The following PROCR variants were observed in gnomAD, a reference collection of about 807,000 sequenced individuals.
PROCR encodes endothelial protein C receptor.
Under a neutral mutation model 24.2 loss-of-function variants are expected in PROCR, and 22 were observed. The observed-to-expected ratio is 0.91, with a 90% confidence interval of 0.65 to 1.30. The LOEUF (loss-of-function observed/expected upper bound fraction) is 1.30. Among genes scored for constraint, PROCR ranks in the 50% most tolerant of loss-of-function variants. The probability of loss-of-function intolerance (pLI) is 0.00; values close to 1 mark genes in which losing one functional copy is unlikely to be tolerated. For synonymous variants in PROCR, 137 were observed against 139.2 expected (o/e 0.98, Z 0.11); for missense variants, 288 against 307.7 (o/e 0.94, Z 0.48).
chr20:35,176,663 C>T (rs1342286872), intron 3 of PROCR, 35 bp from the exon 4 acceptor site: 27 of 1,582,684 alleles, frequency 1.7e-5, no homozygotes, highest in Non-Finnish European at 2.2e-5. Context: ...CCTTGGGGGC[C>T]TATTCTTCGG....
At chr20:35,208,992 A>G (rs970466157) in intron 1 of PROCR, among the ~76,000 whole-genome samples, 4 of 152,112 alleles carry the variant, frequency 2.6e-5, no homozygotes, top group Admixed American at 2.0e-4. Flanking sequence ...ATAAACAAAT[A>G]TTAATTGAGA....
intron 1 of PROCR, among the ~76,000 whole-genome samples, chr20:35,188,386 A>C (rs1233595101): frequency 2.0e-5 from 3 of 152,238 alleles, no homozygotes; most frequent in Non-Finnish European, 4.4e-5. Flanking sequence ...GGCTACACAG[A>C]GGCCATAGAT....
intron 1 of PROCR, among the ~76,000 whole-genome samples, chr20:35,183,101 T>A (rs771665874): frequency 5.3e-5 from 8 of 152,234 alleles, no homozygotes; most frequent in Non-Finnish European, 1.2e-4. Flanking sequence ...CGTTTATCAT[T>A]TAATACTCTC....
In PROCR at chr20:35,177,172, A is replaced by T. The variant is rs2086028605; in HGVS notation, c.*359A>T. The T allele has an allele frequency of 8.8e-7, 1 of 1,136,276 alleles. No individual in the cohort carries two copies. 70.4% of individuals were successfully genotyped at this position (1,136,276 alleles called of 1,614,324 possible). Reference sequence around the variant, plus strand: ...AGGCGTTCAAAAGATATAACCAAATAAACAAGTCATCCACAATCAAAATAC... The same window carrying T: ...AGGCGTTCAAAAGATATAACCAAATTAACAAGTCATCCACAATCAAAATAC... On this transcript the variant is annotated 3_prime_UTR_variant, in exon 4 of 4. Coordinates refer to ENST00000216968, the MANE Select transcript of PROCR (RefSeq NM_006404.5).
chr20:35,173,437 T>C (rs2085971236), intron 1 of PROCR, among the ~76,000 whole-genome samples: 1 of 143,836 alleles, frequency 7.0e-6, no homozygotes, highest in African/African-American at 2.5e-5. Flanking sequence ...TTTTTTTTTT[T>C]TTTTTTTTTT....
At chr20:35,214,907 C>CTTT (rs71198708) in intron 1 of PROCR, among the ~76,000 whole-genome samples, 25 of 119,514 alleles carry the variant, frequency 2.1e-4, no homozygotes, top group Non-Finnish European at 2.7e-4. Flanking sequence ...TTTTCTTTTT[C>CTTT]TTTTTTTTTT....
At chr20:35,188,903 C>T (rs2086149213) in intron 1 of PROCR, among the ~76,000 whole-genome samples, 1 of 152,158 alleles carries the variant, frequency 6.6e-6, no homozygotes, top group Admixed American at 6.5e-5. Flanking sequence ...TTTATCACTT[C>T]CCCAATCAAT....
intron 3 of PROCR, 108 bp downstream of exon 3, chr20:35,176,554 G>A: frequency 6.3e-7 from 1 of 1,597,324 alleles, no homozygotes; most frequent in Non-Finnish European, 8.5e-7. Context: ...CCCACAGCTG[G>A]GGGTTTGGGA....
At chr20:35,207,392 GTATA>G (rs11471756) in intron 1 of PROCR, among the ~76,000 whole-genome samples, 11,323 of 146,034 alleles carry the variant, frequency 0.078, 579 homozygotes, top group South Asian at 0.16. Flanking sequence ...GTATGTTTGT[GTATA>G]TATATATATA....
At position 35,177,035 on chromosome 20, in the gene PROCR, T is replaced by C; in HGVS notation, c.*222T>C. On this transcript the variant is annotated 3_prime_UTR_variant, in exon 4 of 4. Transcript: ENST00000216968. ...GCTAAGAACCTAAGAACGTGTATGC[T>C]TTGCTGAATTAGTCTGATAAGTGAA... is the stretch of plus-strand genomic sequence containing the variant. The C allele has an allele frequency of 1.5e-6, 2 of 1,359,830 alleles. No individual in the cohort carries two copies. Among genetic ancestry groups the C allele is most frequent in the Non-Finnish European group, 1.9e-6 (2 of 1,052,106 alleles). 84.2% of individuals were successfully genotyped at this position (1,359,830 alleles called of 1,614,324 possible).
intron 1 of PROCR, among the ~76,000 whole-genome samples, chr20:35,174,019 C>T (rs962448669): frequency 2.6e-5 from 4 of 152,192 alleles, no homozygotes; most frequent in South Asian, 2.1e-4. Flanking sequence ...GCTACACTAT[C>T]TCTGTCTCAG....
At position 35,207,625 on chromosome 20, in the gene PROCR, G is replaced by A. The variant is rs186204120; in HGVS notation, c.95-8268G>A. Among the ~76,000 whole-genome samples the A allele has an allele frequency of 2.5e-3, 373 of 152,126 alleles. 2 individuals carry two copies. Among genetic ancestry groups the A allele is most frequent in the African/African-American group, 8.5e-3 (354 of 41,502 alleles). ...GCTCACTGCAACCTCTGCCTCCCAA[G>A]TTCAAGTGATTCTCTGGCCTCAGCC... On this transcript the variant is annotated intron_variant, in intron 1 of 1. Coordinates refer to the PROCR transcript ENST00000634509.
intron 1 of PROCR, among the ~76,000 whole-genome samples, chr20:35,199,748 A>C (rs1457803933): frequency 8.3e-6 from 1 of 120,362 alleles, no homozygotes; most frequent in Admixed American, 7.9e-5. Context: ...ACTGTGTCTC[A>C]AAAAAAAAAA....
At chr20:35,183,307 A>C (rs2086095061) in intron 1 of PROCR, among the ~76,000 whole-genome samples, 1 of 152,176 alleles carries the variant, frequency 6.6e-6, no homozygotes, top group Non-Finnish European at 1.5e-5. Context: ...ATGGCTTAAC[A>C]CCATCCTTTA....
intron 1 of PROCR, among the ~76,000 whole-genome samples, chr20:35,183,091 C>T (rs1043055498): frequency 2.6e-5 from 4 of 151,664 alleles, no homozygotes; most frequent in African/African-American, 4.8e-5. Flanking sequence ...CTGTAACTTG[C>T]GTTTATCATT....
chr20:35,194,449 A>G (rs957752569), intron 1 of PROCR, among the ~76,000 whole-genome samples: 1 of 152,180 alleles, frequency 6.6e-6, no homozygotes, highest in Non-Finnish European at 1.5e-5. Context: ...CAAGAAAAAG[A>G]GAGGGCAGTG....
chr20:35,198,429 T>G (rs1038225051), intron 1 of PROCR, among the ~76,000 whole-genome samples: 2 of 152,210 alleles, frequency 1.3e-5, no homozygotes, highest in African/African-American at 4.8e-5. Context: ...AGCCAAAACT[T>G]AATCTAGATC....
chr20:35,179,664 A>C (rs2086059992), downstream of PROCR, among the ~76,000 whole-genome samples: 1 of 152,190 alleles, frequency 6.6e-6, no homozygotes. Flanking sequence ...TTCAAAATCA[A>C]CATGTTCAAA....
At chr20:35,173,380 C>G (rs944808787) in intron 1 of PROCR, among the ~76,000 whole-genome samples, 3 of 150,562 alleles carry the variant, frequency 2.0e-5, no homozygotes, top group African/African-American at 7.3e-5. Flanking sequence ...AAGAAGAGGG[C>G]AACTGAGCTG....
Sources: allele counts gnomAD v4.1 joint callset (sites outside exome capture counted in the v4.1 genomes callset), GRCh38; gene constraint gnomAD v4.1.1; transcripts MANE v1.5; gene names NCBI Gene and HGNC (gene_info 2026-07-23, HGNC 2026-07-21).